TET1: variants seen among roughly 807,000 people sequenced by gnomAD.
TET1 encodes tet methylcytosine dioxygenase 1, also known as methylcytosine dioxygenase TET1.
TET1 carries 13 observed loss-of-function variants against 148.7 expected under a neutral mutation model. That is an observed-to-expected ratio of 0.09 (90% CI 0.06 to 0.14). TET1 has a LOEUF of 0.14. Ranked by LOEUF, TET1 falls within the 10% of genes least tolerant of loss-of-function variation. The pLI, the probability that TET1 is intolerant of heterozygous loss-of-function variation, is 1.00. For missense variants in TET1, 2,182 were observed against 2,553.8 expected (o/e 0.85, Z 3.14); for synonymous variants, 907 against 937.2 (o/e 0.97, Z 0.59).
intron 3 of TET1, among the ~76,000 whole-genome samples, chr10:68,629,906 T>C (rs890950476): frequency 6.6e-6 from 1 of 152,184 alleles, no homozygotes; most frequent in Admixed American, 6.5e-5. Flanking sequence ...ATATGAACGA[T>C]TGGAAGTGCT....
intron 7 of TET1, among the ~76,000 whole-genome samples, chr10:68,669,807 G>A (rs1030571370): frequency 2.0e-5 from 3 of 151,744 alleles, no homozygotes; most frequent in East Asian, 1.9e-4. Context: ...CCGCCACCAC[G>A]TCCAGCTAAT....
intron 3 of TET1, among the ~76,000 whole-genome samples, chr10:68,642,669 A>G (rs962502044): frequency 1.3e-5 from 2 of 152,088 alleles, no homozygotes; most frequent in Admixed American, 1.3e-4. Context: ...TAGCAGCACA[A>G]TCTTGGCTCA....
intron 3 of TET1, among the ~76,000 whole-genome samples, chr10:68,607,984 A>G (rs2054149668): frequency 1.3e-5 from 2 of 151,088 alleles, no homozygotes; most frequent in Non-Finnish European, 3.0e-5. Flanking sequence ...GCTGGAGCAC[A>G]GTGGTGCAAT....
chr10:68,632,658 A>G (rs2054591687), intron 3 of TET1: 1 of 1,597,264 alleles, frequency 6.3e-7, no homozygotes, highest in Admixed American at 1.7e-5. Flanking sequence ...AAGAAATTAA[A>G]AAGAAGATAT....
Position 68,565,475 on chromosome 10 carries a change from A to AAAAATAT in TET1, c.-123+4734_-123+4735insAAATATA, listed in dbSNP as rs1388182777. Among the ~76,000 whole-genome samples, 739 of 129,168 alleles carry AAAAATAT rather than the reference A, an allele frequency of 5.7e-3. 6 individuals are homozygous for AAAAATAT. The highest frequency in any genetic ancestry group is 0.014 in the South Asian group (55 of 3,852). 84.7% of individuals were successfully genotyped at this position (129,168 alleles called of 152,430 possible). On this transcript the variant is annotated intron_variant, in intron 1 of 11. Transcript: ENST00000373644. ...AGCAAGACCCTGTTTAAAAAAAAAA[A>AAAAATAT]ATATATATATATATATATATATATG...
chr10:68,649,920 C>T (rs1208426298), intron 4 of TET1, among the ~76,000 whole-genome samples: 1 of 152,124 alleles, frequency 6.6e-6, no homozygotes, highest in African/African-American at 2.4e-5. Context: ...TTATTGTGCT[C>T]ATTGTGTAGA....
chr10:68,622,998 G>A (rs2054398924), intron 3 of TET1, among the ~76,000 whole-genome samples: 1 of 152,114 alleles, frequency 6.6e-6, no homozygotes, highest in African/African-American at 2.4e-5. Context: ...ACATTATCTG[G>A]GTTAACTTTG....
chr10:68,570,513 A>C (rs554981854), intron 1 of TET1, among the ~76,000 whole-genome samples: 9 of 152,134 alleles, frequency 5.9e-5, no homozygotes, highest in Non-Finnish European at 1.0e-4. Flanking sequence ...ATAAGTGAGA[A>C]CATCAGATAT....
chr10:68,632,636 G>T, intron 3 of TET1: 1 of 1,587,260 alleles, frequency 6.3e-7, no homozygotes, highest in Non-Finnish European at 8.7e-7. Flanking sequence ...ATCCAGGAAA[G>T]AATTGCCAGA....
intron 2 of TET1, among the ~76,000 whole-genome samples, chr10:68,593,682 G>A (rs975931126): frequency 5.3e-5 from 8 of 151,912 alleles, no homozygotes; most frequent in South Asian, 4.2e-4. Flanking sequence ...GTGCGATCTC[G>A]GCTCACTGCA....
intron 6 of TET1, among the ~76,000 whole-genome samples, chr10:68,662,861 C>G (rs1448776829): frequency 2.0e-5 from 3 of 152,154 alleles, no homozygotes; most frequent in African/African-American, 7.2e-5. Context: ...AGGCTGCATA[C>G]AGTGAGCCAT....
At chr10:68,682,358 C>T (rs952237956) in intron 9 of TET1, among the ~76,000 whole-genome samples, 4 of 151,916 alleles carry the variant, frequency 2.6e-5, no homozygotes, top group Non-Finnish European at 4.4e-5. Context: ...GTGATCTGCC[C>T]GCCTCAGCCT....
intron 3 of TET1, among the ~76,000 whole-genome samples, chr10:68,624,850 G>A (rs1273498944): frequency 6.6e-6 from 1 of 151,106 alleles, no homozygotes; most frequent in African/African-American, 2.4e-5. Context: ...TCCTGACTCA[G>A]CCTCCCGAGT....
At chr10:68,583,954 A>G (rs1266602520) in intron 2 of TET1, among the ~76,000 whole-genome samples, 2 of 152,126 alleles carry the variant, frequency 1.3e-5, no homozygotes, top group African/African-American at 4.8e-5. Context: ...CAAGCCCTGG[A>G]TTAGGGGGTG....
intron 2 of TET1, among the ~76,000 whole-genome samples, chr10:68,595,167 A>G (rs1589060549): frequency 2.0e-5 from 3 of 151,364 alleles, no homozygotes; most frequent in African/African-American, 7.3e-5. Flanking sequence ...AAAAAAAAAA[A>G]TCTCTGAAAG....
intron 8 of TET1, among the ~76,000 whole-genome samples, chr10:68,676,651 A>G (rs553284183): frequency 2.6e-5 from 4 of 151,224 alleles, no homozygotes; most frequent in Admixed American, 6.6e-5. Flanking sequence ...CTGACCTCAG[A>G]TGATCTGCCC....
chr10:68,574,242 T>C lies in TET1; in HGVS notation c.1904T>C (p.Val635Ala), dbSNP rs1473977983. 1 of 1,611,550 alleles carries C rather than the reference T, an allele frequency of 6.2e-7. No individual in the cohort carries two copies. The highest frequency in any genetic ancestry group is 1.7e-5 in the Admixed American group (1 of 59,918). ...EELKKKPSVVVPLEVIKENKR... is the reference protein window; with the variant it reads ...EELKKKPSVVAPLEVIKENKR... ...CTGAAAAAGAAACCATCTGTTGTTG[T>C]GCCTCTGGAGGTAAGCAAACAGTCA... is the stretch of plus-strand genomic sequence containing the variant. Residue 635 changes from valine to alanine, a missense_variant, in exon 2 of 12, where the codon GTG becomes GCG. Physicochemically the swap from Val to Ala is moderately conservative, Grantham distance 64. Coordinates refer to ENST00000373644, the MANE Select transcript of TET1 (RefSeq NM_030625.3).
At chr10:68,686,317 C>G (rs762622611) in intron 10 of TET1, 39 bp from the exon 11 acceptor site, 1 of 1,517,512 alleles carries the variant, frequency 6.6e-7, no homozygotes, top group Non-Finnish European at 8.9e-7. Context: ...TGTGCACGAC[C>G]CGTATATCTT....
At chr10:68,562,007 A>G (rs1466480517) in intron 1 of TET1, among the ~76,000 whole-genome samples, 6 of 152,120 alleles carry the variant, frequency 3.9e-5, no homozygotes, top group Non-Finnish European at 5.9e-5. Context: ...ACTCCTGGGC[A>G]CTAAACGAGC....
Sources: gnomAD v4.1 joint callset for allele counts (sites outside exome capture counted in the v4.1 genomes callset) on GRCh38, gnomAD v4.1.1 for gene constraint, MANE v1.5 for transcripts, NCBI Gene and HGNC (gene_info 2026-07-23, HGNC 2026-07-21) for gene names.